The following SLC11A1 variants were observed in gnomAD, a reference collection of about 807,000 sequenced individuals.
SLC11A1 encodes solute carrier family 11 member 1.
SLC11A1 carries 59 observed loss-of-function variants against 63.2 expected under a neutral mutation model. The ratio of observed to expected loss-of-function variants is 0.93; its 90% confidence interval spans 0.76 to 1.16. The LOEUF (loss-of-function observed/expected upper bound fraction) is 1.16. Among genes scored for constraint, SLC11A1 ranks in the 50% most tolerant of loss-of-function variants. The pLI, the probability that SLC11A1 is intolerant of heterozygous loss-of-function variation, is 0.00. For synonymous variants in SLC11A1, 305 were observed against 307.8 expected (o/e 0.99, Z 0.09); for missense variants, 688 against 730.7 (o/e 0.94, Z 0.67).
rs1024046691 is a variant in SLC11A1, at chr2:218,383,032, C to T, written c.80C>T (p.Pro27Leu). 5.0e-6 allele frequency: 8 copies of T among 1,613,966 alleles called. No homozygotes were observed. In the African/African-American group the frequency reaches 1.1e-4, roughly 22 times the overall value. Residue 27 changes from proline (P) to leucine (L), a missense_variant, in exon 2 of 15, where the codon CCA becomes CTA. Transcript: ENST00000233202. ...SISSPTSPTS[P>L]GPQQAPPRET... Reference sequence around the variant, plus strand: ...TCCAGCCCGACCAGCCCGACCAGCCCAGGGCCACAGCAAGCACCTCCCAGA... The same window carrying T: ...TCCAGCCCGACCAGCCCGACCAGCCTAGGGCCACAGCAAGCACCTCCCAGA...
Position 218,394,707 on chromosome 2 carries a change from G to A in SLC11A1, c.1464G>A (p.Leu488=), listed in dbSNP as rs779431785. The part of the protein sequence containing the change: ...AINLYFVVSY[L]PSLPHPAYFG... ...ACCTCTACTTCGTGGTCAGCTATCT[G>A]CCCAGCCTGCCCCACCCTGCCTACT... Residue 488 remains leucine, a synonymous_variant, in exon 14 of 15, where the codon CTG becomes CTA. Coordinates refer to ENST00000233202, the MANE Select transcript of SLC11A1 (RefSeq NM_000578.4). 6.2e-7 allele frequency: 1 copy of A among 1,614,036 alleles called. No individual in the cohort carries two copies. The highest frequency in any genetic ancestry group is 1.7e-5 in the Admixed American group (1 of 60,026).
rs1001071596 is a variant in SLC11A1 at position 218,396,158 on chromosome 2, G to C, written c.*1123G>C. On this transcript the variant is annotated 3_prime_UTR_variant, in exon 15 of 15. Coordinates refer to ENST00000233202, the MANE Select transcript of SLC11A1 (RefSeq NM_000578.4). ...CCTCCCCGCCAGGCGGAACGACGCG[G>C]GGAGGCGGGCGCTCGGGGCTCGCGC... 7.2e-6 allele frequency: 1 copy of C among 138,800 alleles called. No individual in the cohort carries two copies. The highest frequency in any genetic ancestry group is 7.4e-5 in the Admixed American group (1 of 13,496). The allele number at this position is 138,800 out of a possible 1,614,324, so 8.6% of individuals were successfully genotyped here.
Position 218,395,310 on chromosome 2 carries a change from A to AC in SLC11A1, c.*275_*276insC. On this transcript the variant is annotated 3_prime_UTR_variant, in exon 15 of 15. Transcript: ENST00000233202. The stretch of plus-strand genomic sequence containing the variant: ...ACTTGGGACAAAAACAAACAAACGA[A>AC]AAACATTTCAAAAGGTATTTATTGA... The AC allele has an allele frequency of 1.6e-5, 7 of 433,372 alleles. No homozygotes were observed. Among genetic ancestry groups the AC allele is most frequent in the East Asian group, 4.1e-5 (1 of 24,480 alleles). 26.8% of individuals were successfully genotyped at this position (433,372 alleles called of 1,614,324 possible).
chr2:218,382,514 A>G (rs1695860886), intron 1 of SLC11A1, 139 bp downstream of exon 1: 12 of 866,502 alleles, frequency 1.4e-5, no homozygotes, highest in Middle Eastern at 4.8e-4. Context: ...GTCCTAGTCT[A>G]GAACACAGTT....
chr2:218,385,068 T>TGGTTAGAG, intron 3 of SLC11A1, 79 bp from the exon 4 acceptor site: 2 of 1,587,536 alleles, frequency 1.3e-6, no homozygotes, highest in Non-Finnish European at 1.7e-6. Context: ...GGAGTATGCT[T>TGGTTAGAG]GGTTAGAGGG....
intron 4 of SLC11A1, among the ~76,000 whole-genome samples, chr2:218,386,295 A>G (rs1443928486): frequency 6.6e-6 from 1 of 152,112 alleles, no homozygotes; most frequent in Non-Finnish European, 1.5e-5. Flanking sequence ...TCTACTAAAA[A>G]TACAAAACTA....
intron 11 of SLC11A1, chr2:218,391,736 C>A: frequency 4.4e-6 from 2 of 451,694 alleles, no homozygotes; most frequent in Non-Finnish European, 4.0e-6. Flanking sequence ...GCTTCTCCTG[C>A]TTCAGCCTCC....
chr2:218,392,821 C>G, intron 11 of SLC11A1, 160 bp from the exon 12 acceptor site: 1 of 534,422 alleles, frequency 1.9e-6, no homozygotes, highest in Non-Finnish European at 3.2e-6. Context: ...TTCTCCCCAC[C>G]CATCCCCTCT....
rs1360765436 is a variant in SLC11A1 at position 218,396,592 on chromosome 2, A to C, written c.*1557A>C. On this transcript the variant is annotated 3_prime_UTR_variant, in exon 15 of 15. Transcript: ENST00000233202. ...TGCGAGTGGGTCCCTCAAGGAGAGAAGAGATGGGACCGGTCTGGTGCGACC... is the reference window on the plus strand; with the variant it reads ...TGCGAGTGGGTCCCTCAAGGAGAGACGAGATGGGACCGGTCTGGTGCGACC... The C allele has an allele frequency of 6.6e-6, 1 of 152,438 alleles. No individual in the cohort carries two copies. Among genetic ancestry groups the C allele is most frequent in the Non-Finnish European group, 1.5e-5 (1 of 68,118 alleles). The allele number at this position is 152,438 out of a possible 1,614,324, so 9.4% of individuals were successfully genotyped here. A position where few individuals can be genotyped will look rare whatever the true frequency, so the allele number is the denominator to read the frequency against.
chr2:218,389,816 A>T, intron 8 of SLC11A1, 54 bp from the exon 9 acceptor site: 1 of 1,552,476 alleles, frequency 6.4e-7, no homozygotes, highest in Non-Finnish European at 8.7e-7. Context: ...GGTGGGGGAC[A>T]CTGTGGTGGC....
In SLC11A1 at chr2:218,395,070, T is replaced by C. The variant is rs1559126928; in HGVS notation, c.*35T>C. On this transcript the variant is annotated 3_prime_UTR_variant, in exon 15 of 15. Coordinates refer to ENST00000233202, the MANE Select transcript of SLC11A1 (RefSeq NM_000578.4). ...AGGGCCTGGCTGGGAGTGGCATGTATGACGTGACTGGCCTGCTGGATGTGG... is the reference window on the plus strand; with the variant it reads ...AGGGCCTGGCTGGGAGTGGCATGTACGACGTGACTGGCCTGCTGGATGTGG... 3 of 1,488,126 alleles carry C rather than the reference T, an allele frequency of 2.0e-6. No homozygotes were observed. The highest frequency in any genetic ancestry group is 2.8e-6 in the Non-Finnish European group (3 of 1,088,454). 92.2% of individuals were successfully genotyped at this position (1,488,126 alleles called of 1,614,324 possible). A position where few individuals can be genotyped will look rare whatever the true frequency, so the allele number is the denominator to read the frequency against.
rs1336516202 is a variant in SLC11A1, at chr2:218,387,914, A to G, written c.754A>G (p.Ile252Val). Residue 252 changes from isoleucine (I) to valine (V), a missense_variant, in exon 8 of 15, where the codon ATC (isoleucine) becomes GTC (valine). Physicochemically the swap from Ile to Val is conservative, Grantham distance 29. Coordinates refer to ENST00000233202, the MANE Select transcript of SLC11A1 (RefSeq NM_000578.4). The stretch of plus-strand genomic sequence containing the variant: ...GGCGGTGGGCATTGTTGGCGCCATC[A>G]TCATGCCCCACAACATCTACCTGCA... ...LQAVGIVGAI[I>V]MPHNIYLHSA... 1.9e-6 allele frequency: 3 copies of G among 1,610,100 alleles called. No homozygotes were observed. The African/African-American group carries it at 4.0e-5, about 21-fold the overall frequency.
chr2:218,385,450 G>A (rs1696042382), intron 4 of SLC11A1, 184 bp downstream of exon 4: 1 of 751,776 alleles, frequency 1.3e-6, no homozygotes, highest in Non-Finnish European at 2.2e-6. Context: ...GAGTGCAATG[G>A]TGCGATGTCA....
intron 12 of SLC11A1, 96 bp from the exon 13 acceptor site, chr2:218,394,024 C>T: frequency 5.6e-6 from 7 of 1,248,206 alleles, no homozygotes; most frequent in Non-Finnish European, 8.0e-6. Context: ...GAGCTCACAC[C>T]CACACAGAGG....
rs377660657 is a variant in SLC11A1, at chr2:218,391,296, G to T, written c.1044+9G>T. The stretch of plus-strand genomic sequence containing the variant: ...TGGACATTTACCAGGGGGTGAGCGC[G>T]GGTGGGTGGGGAGGGCGTGACCCAG... On this transcript the variant is annotated intron_variant, in intron 10 of 14. Transcript: ENST00000233202. The T allele has an allele frequency of 1.9e-6, 3 of 1,613,478 alleles. No individual in the cohort carries two copies. Among genetic ancestry groups the T allele is most frequent in the African/African-American group, 2.7e-5 (2 of 74,918 alleles).
intron 9 of SLC11A1, among the ~76,000 whole-genome samples, chr2:218,390,570 T>G (rs1322971738): frequency 1.3e-5 from 2 of 152,124 alleles, no homozygotes; most frequent in African/African-American, 4.8e-5. Context: ...CTGAGCCCTG[T>G]GGGAGAAGGG....
rs780875168 is a variant in SLC11A1 at position 218,384,362 on chromosome 2, CA to C, written c.273del (p.Lys91AsnfsTer26). ...DLQAGAVAGFKLLWVLLWATV... is the reference protein window; with the variant it reads ...DLQAGAVAGFXLLWVLLWATV... ...TTCAGGCTGGCGCCGTGGCGGGATTCAAAGTAACTAAGTCGGGACCTGAGTG... is the reference window on the plus strand; with the variant it reads ...TTCAGGCTGGCGCCGTGGCGGGATTCAAGTAACTAAGTCGGGACCTGAGTG... On this transcript the variant is annotated frameshift_variant and splice_region_variant, in exon 3 of 15. Coordinates refer to ENST00000233202, the MANE Select transcript of SLC11A1 (RefSeq NM_000578.4). LOFTEE classifies it high-confidence loss of function. The surrounding 1 kb of genome is among the most constrained non-coding windows in gnomAD (Gnocchi z 4.0). The C allele has an allele frequency of 6.2e-7, 1 of 1,602,176 alleles. No homozygotes were observed. Among genetic ancestry groups the C allele is most frequent in the East Asian group, 2.3e-5 (1 of 44,422 alleles).
intron 1 of SLC11A1, 145 bp from the exon 2 acceptor site, chr2:218,382,815 A>G: frequency 2.3e-6 from 2 of 882,062 alleles, no homozygotes; most frequent in Non-Finnish European, 3.6e-6. Context: ...TTTGTTTGAG[A>G]GGTGGAGGTG....
chr2:218,394,683 C>T lies in SLC11A1; in HGVS notation c.1440C>T (p.Asn480=), dbSNP rs573658734. ...SSIMVLVCAI[N]LYFVVSYLPS... The stretch of plus-strand genomic sequence containing the variant: ...TCATGGTGCTAGTCTGCGCCATCAA[C>T]CTCTACTTCGTGGTCAGCTATCTGC... The change falls in exon 14 of 15, where the codon AAC becomes AAT. Residue 480 remains asparagine, a synonymous_variant. Transcript: ENST00000233202. The T allele has an allele frequency of 4.3e-6, 7 of 1,614,128 alleles. No homozygotes were observed. In the East Asian group the frequency reaches 8.9e-5, roughly 21 times the overall value.
Sources: gnomAD v4.1 joint callset for allele counts (sites outside exome capture counted in the v4.1 genomes callset) on GRCh38, gnomAD v4.1.1 for gene constraint, Gnocchi (gnomAD v3.1) non-coding constraint, MANE v1.5 for transcripts, NCBI Gene and HGNC (gene_info 2026-07-23, HGNC 2026-07-21) for gene names.